KAZN: variants seen among roughly 807,000 people sequenced by gnomAD.
The protein encoded by KAZN is kazrin, periplakin interacting protein, also known as kazrin.
A neutral mutation model predicts 87.4 loss-of-function variants in KAZN; 40 were observed. That is an observed-to-expected ratio of 0.46 (90% CI 0.36 to 0.60). KAZN has a LOEUF of 0.60. KAZN is among the 20% of genes least tolerant of loss of function. The pLI is 0.00. For synonymous variants in KAZN, 466 were observed against 458.3 expected (o/e 1.02, Z -0.22); for missense variants, 898 against 1,073.9 (o/e 0.84, Z 2.29).
intron 2 of KAZN, among the ~76,000 whole-genome samples, chr1:14,445,030 C>CTT (rs34113310): frequency 6.8e-6 from 1 of 146,046 alleles, no homozygotes. Flanking sequence ...AACCCGTGTG[C>CTT]TTTTTTTTTT....
chr1:13,982,066 A>G (rs1315347311), intron 1 of KAZN, among the ~76,000 whole-genome samples: 1 of 152,234 alleles, frequency 6.6e-6, no homozygotes, highest in Non-Finnish European at 1.5e-5. Context: ...GAGGAATATT[A>G]GTACCTGATT....
chr1:14,503,081 C>T (rs569181622), intron 2 of KAZN, among the ~76,000 whole-genome samples: 5 of 152,118 alleles, frequency 3.3e-5, no homozygotes, highest in Admixed American at 6.5e-5. Flanking sequence ...GGAATATGGG[C>T]GGTTCACATT....
At chr1:14,358,333 G>C (rs1659213560) in intron 2 of KAZN, among the ~76,000 whole-genome samples, 1 of 149,222 alleles carries the variant, frequency 6.7e-6, no homozygotes, top group African/African-American at 2.5e-5. Flanking sequence ...AGTCTGGCTA[G>C]AGGTCTATCT....
intron 2 of KAZN, among the ~76,000 whole-genome samples, chr1:15,013,591 TAA>T (rs921022532): frequency 1.0e-3 from 155 of 151,698 alleles, no homozygotes; most frequent in African/African-American, 3.7e-3. Context: ...CCGTCTCTAT[TAA>T]AAAAATATAA....
chr1:14,272,634 G>A (rs71629873), intron 2 of KAZN, among the ~76,000 whole-genome samples: 28,425 of 152,030 alleles, frequency 0.19, 3,495 homozygotes, highest in Middle Eastern at 0.37. Flanking sequence ...CGAGGTGGGC[G>A]GATCATGAGG....
intron 2 of KAZN, among the ~76,000 whole-genome samples, chr1:14,465,494 T>A (rs1668075914): frequency 6.6e-6 from 1 of 150,862 alleles, no homozygotes; most frequent in African/African-American, 2.4e-5. Flanking sequence ...TTGGAGCACC[T>A]GCATAGCTTC....
At chr1:14,096,163 A>G (rs927656208) in intron 1 of KAZN, among the ~76,000 whole-genome samples, 1 of 152,208 alleles carries the variant, frequency 6.6e-6, no homozygotes, top group African/African-American at 2.4e-5. Flanking sequence ...TTATTTTTAT[A>G]ATAATTATAT....
intron 1 of KAZN, among the ~76,000 whole-genome samples, chr1:13,910,714 G>T (rs774895336): frequency 1.3e-5 from 2 of 151,934 alleles, no homozygotes; most frequent in Admixed American, 6.6e-5. Context: ...CCATTCCCAG[G>T]TTTTTTCTTT....
chr1:14,957,992 G>T (rs1011338172), intron 1 of KAZN, among the ~76,000 whole-genome samples: 3 of 152,224 alleles, frequency 2.0e-5, no homozygotes, highest in African/African-American at 4.8e-5. Context: ...GCCTCAGGAA[G>T]TGATGTGAGA....
At chr1:14,251,167 C>T (rs1398777938) in intron 2 of KAZN, among the ~76,000 whole-genome samples, 1 of 152,168 alleles carries the variant, frequency 6.6e-6, no homozygotes, top group African/African-American at 2.4e-5. Context: ...GAATTCCATC[C>T]ACGGAATGGG....
chr1:14,498,037 T>G (rs1265207424), intron 2 of KAZN, among the ~76,000 whole-genome samples: 1 of 138,130 alleles, frequency 7.2e-6, no homozygotes, highest in Non-Finnish European at 1.7e-5. Context: ...AAGCTGCTTC[T>G]CCTTCACCTC....
At chr1:14,585,118 G>A (rs1039716443) in intron 2 of KAZN, among the ~76,000 whole-genome samples, 36 of 152,280 alleles carry the variant, frequency 2.4e-4, no homozygotes, top group African/African-American at 7.9e-4. Flanking sequence ...AAGGAGAGAG[G>A]CCTCAGAAGA....
At chr1:14,587,587 A>C (rs950113338) in intron 2 of KAZN, among the ~76,000 whole-genome samples, 1 of 151,920 alleles carries the variant, frequency 6.6e-6, no homozygotes, top group African/African-American at 2.4e-5. Context: ...ATATGGCCAG[A>C]GCAGGAGTGA....
chr1:15,103,845 GTCCCTGACCTCGTGGC>G (rs527280474), intron 12 of KAZN, among the ~76,000 whole-genome samples, 162 bp from the exon 13 acceptor site: 108 of 152,270 alleles, frequency 7.1e-4, no homozygotes, highest in Middle Eastern at 3.4e-3. Flanking sequence ...GTAACAGGAG[GTCCCTGACCTCGTGGC>G]TCTAAAAAAT....
At chr1:15,110,876 G>A (rs79519031) in intron 13 of KAZN, among the ~76,000 whole-genome samples, 4,154 of 152,352 alleles carry the variant, frequency 0.027, 84 homozygotes, top group Non-Finnish European at 0.044. Flanking sequence ...GGGACCCTGA[G>A]GCTCTCCCAG....
intron 2 of KAZN, among the ~76,000 whole-genome samples, chr1:14,270,953 C>T (rs1007799027): frequency 1.3e-5 from 2 of 152,126 alleles, no homozygotes; most frequent in African/African-American, 2.4e-5. Flanking sequence ...TCATGGCGCA[C>T]GGAGAAAGGG....
chr1:14,194,923 G>A (rs1206487418), intron 2 of KAZN, among the ~76,000 whole-genome samples: 2 of 152,086 alleles, frequency 1.3e-5, no homozygotes, highest in Non-Finnish European at 2.9e-5. Flanking sequence ...CTACCTGTGG[G>A]ACAACCCTGT....
In KAZN at chr1:14,173,724, G is replaced by A. The variant is rs77028375; in HGVS notation, c.92-6711G>A. ...CTCAATAGTTCCATCAAATTGTCCT[G>A]AGATTAAACCTGTTTGGCTGCATTT... On this transcript the variant is annotated intron_variant, in intron 1 of 16. Transcript: ENST00000636203. 9.8e-3 allele frequency among the ~76,000 whole-genome samples: 1,417 copies of A among 143,962 alleles called. 18 individuals carry two copies. The highest frequency in any genetic ancestry group is 0.036 in the African/African-American group (1,361 of 37,846). 94.4% of individuals were successfully genotyped at this position (143,962 alleles called of 152,430 possible).
chr1:14,115,312 G>C (rs374597252), intron 1 of KAZN, among the ~76,000 whole-genome samples: 1 of 152,214 alleles, frequency 6.6e-6, no homozygotes, highest in Non-Finnish European at 1.5e-5. Context: ...CTCCTGATAT[G>C]GTTTGGCTGT....
Sources: gnomAD v4.1 joint callset for allele counts (sites outside exome capture counted in the v4.1 genomes callset) on GRCh38, gnomAD v4.1.1 for gene constraint, MANE v1.5 for transcripts, NCBI Gene and HGNC (gene_info 2026-07-23, HGNC 2026-07-21) for gene names.